Variants in TMEM108 observed in about 807,000 individuals in gnomAD.
TMEM108 encodes cancer/testis antigen 124.
In TMEM108, 12 loss-of-function variants were observed where a neutral mutation model predicts 35.1. The observed-to-expected ratio is 0.34, with a 90% CI of 0.22 to 0.55. The LOEUF (loss-of-function observed/expected upper bound fraction) is 0.55. TMEM108 is among the 20% of genes least tolerant of loss of function. The pLI is 0.89. For missense variants in TMEM108, 680 were observed against 753.3 expected (o/e 0.90, Z 1.14); for synonymous variants, 287 against 308.6 (o/e 0.93, Z 0.73).
intron 3 of TMEM108, among the ~76,000 whole-genome samples, chr3:133,278,378 GATT>G (rs1302023089): frequency 6.6e-6 from 1 of 152,208 alleles, no homozygotes; most frequent in East Asian, 1.9e-4. Context: ...ATAGTTGGTG[GATT>G]AATCAAGTGA....
intron 3 of TMEM108, among the ~76,000 whole-genome samples, chr3:133,339,050 A>G (rs1255052721): frequency 6.6e-6 from 1 of 151,954 alleles, no homozygotes; most frequent in Non-Finnish European, 1.5e-5. Flanking sequence ...AAGAAGGAAG[A>G]GAAGACCACA....
chr3:133,090,267 C>G (rs73005584), intron 2 of TMEM108, among the ~76,000 whole-genome samples: 2,455 of 152,304 alleles, frequency 0.016, 58 homozygotes, highest in African/African-American at 0.056. Flanking sequence ...ACACCTGGAA[C>G]CAAGCAAAAG....
chr3:133,061,575 G>C (rs760237186), intron 2 of TMEM108, among the ~76,000 whole-genome samples: 5 of 152,174 alleles, frequency 3.3e-5, no homozygotes, highest in Non-Finnish European at 5.9e-5. Flanking sequence ...TACTGACCAA[G>C]TGCTTGCAGC....
chr3:133,108,403 T>C (rs1015118580), intron 2 of TMEM108, among the ~76,000 whole-genome samples: 1 of 152,192 alleles, frequency 6.6e-6, no homozygotes, highest in Admixed American at 6.5e-5. Context: ...GTTTTTTGGC[T>C]GCATAAATGT....
chr3:133,310,012 C>T (rs906685840), intron 3 of TMEM108, among the ~76,000 whole-genome samples: 7 of 152,136 alleles, frequency 4.6e-5, no homozygotes, highest in Non-Finnish European at 4.4e-5. Flanking sequence ...GAGTGAGTTT[C>T]TTAATCCTGT....
intron 2 of TMEM108, among the ~76,000 whole-genome samples, chr3:133,178,139 A>G (rs1363881199): frequency 6.6e-6 from 1 of 152,194 alleles, no homozygotes; most frequent in African/African-American, 2.4e-5. Context: ...GAGAACTACA[A>G]ACCACTGCTC....
chr3:133,310,389 T>C (rs966273068), intron 3 of TMEM108, among the ~76,000 whole-genome samples: 7 of 152,338 alleles, frequency 4.6e-5, no homozygotes, highest in Admixed American at 1.3e-4. Context: ...GGTGCTCCTG[T>C]ATTGGGTGCA....
rs374962025 is a variant in TMEM108 at position 133,144,387 on chromosome 3, G to C, written c.-46-84879G>C. Among the ~76,000 whole-genome samples, 40 of 152,256 alleles carry C rather than the reference G, an allele frequency of 2.6e-4. 1 individual carries two copies. Among genetic ancestry groups the C allele is most frequent in the African/African-American group, 9.1e-4 (38 of 41,544 alleles). On this transcript the variant is annotated intron_variant, in intron 2 of 5. Transcript: ENST00000321871. ...CAGTCTATCATTGAGGGGCATTTGG[G>C]TTGGTTCCAAGTCTTTGCTATTGTG...
intron 3 of TMEM108, among the ~76,000 whole-genome samples, chr3:133,370,871 A>AGTGTGTGTGTGTGTGTGTGTGTGTGTGT (rs71624013): frequency 4.8e-5 from 6 of 125,556 alleles, no homozygotes; most frequent in Admixed American, 3.3e-4. Context: ...CCCAGCCCAT[A>AGTGTGTGTGTGTGTGTGTGTGTGTGTGT]GTGTGTGTGT....
At chr3:133,173,002 G>C (rs1157136613) in intron 2 of TMEM108, among the ~76,000 whole-genome samples, 1 of 152,118 alleles carries the variant, frequency 6.6e-6, no homozygotes, top group African/African-American at 2.4e-5. Flanking sequence ...GGCCTCCCTA[G>C]CCATGTGGAA....
At chr3:133,220,066 GT>G (rs1316333813) in intron 2 of TMEM108, among the ~76,000 whole-genome samples, 31 of 139,862 alleles carry the variant, frequency 2.2e-4, no homozygotes, top group African/African-American at 6.4e-4. Flanking sequence ...ATATAATGAT[GT>G]TTTTTGTTTC....
At chr3:133,309,072 T>C (rs952439983) in intron 3 of TMEM108, among the ~76,000 whole-genome samples, 105 of 152,354 alleles carry the variant, frequency 6.9e-4, no homozygotes, top group African/African-American at 2.4e-3. Context: ...ATTCAACTTC[T>C]TCCTGGTTTA....
intron 2 of TMEM108, among the ~76,000 whole-genome samples, chr3:133,126,573 G>A (rs1576332488): frequency 6.6e-6 from 1 of 151,086 alleles, no homozygotes; most frequent in African/African-American, 2.4e-5. Context: ...TCAAGTATGA[G>A]CTTTATATAT....
intron 2 of TMEM108, among the ~76,000 whole-genome samples, chr3:133,079,295 T>C (rs551799895): frequency 2.6e-5 from 4 of 152,344 alleles, no homozygotes; most frequent in Non-Finnish European, 5.9e-5. Context: ...ACATAAATCC[T>C]CTCAGTGATT....
At chr3:133,230,153 T>A (rs1341873715) in intron 3 of TMEM108, among the ~76,000 whole-genome samples, 1 of 152,206 alleles carries the variant, frequency 6.6e-6, no homozygotes, top group East Asian at 1.9e-4. Flanking sequence ...CTTGCTAAGG[T>A]AAATGAAGTA....
chr3:133,289,523 G>A (rs991883278), intron 3 of TMEM108, among the ~76,000 whole-genome samples: 2 of 152,112 alleles, frequency 1.3e-5, no homozygotes, highest in Non-Finnish European at 2.9e-5. Context: ...TCCTTTTGAT[G>A]ATGTCATTTC....
At chr3:133,335,110 G>T (rs998839747) in intron 3 of TMEM108, among the ~76,000 whole-genome samples, 1 of 152,068 alleles carries the variant, frequency 6.6e-6, no homozygotes, top group African/African-American at 2.4e-5. Flanking sequence ...CAAAATAAAA[G>T]CAATACAAGC....
intron 3 of TMEM108, among the ~76,000 whole-genome samples, chr3:133,314,925 C>CT (rs1285269643): frequency 6.6e-6 from 1 of 152,176 alleles, no homozygotes; most frequent in Non-Finnish European, 1.5e-5. Context: ...TTGGTAACAT[C>CT]TTTTTTCAGG....
intron 3 of TMEM108, among the ~76,000 whole-genome samples, chr3:133,250,573 C>T (rs775400290): frequency 2.6e-5 from 4 of 152,206 alleles, no homozygotes; most frequent in Non-Finnish European, 5.9e-5. Context: ...GGGGTTTGCA[C>T]CCCTAATTCC....
Sources: gnomAD v4.1 joint callset for allele counts (sites outside exome capture counted in the v4.1 genomes callset) on GRCh38, gnomAD v4.1.1 for gene constraint, MANE v1.5 for transcripts, NCBI Gene and HGNC (gene_info 2026-07-23, HGNC 2026-07-21) for gene names.